GSE1: variants seen among roughly 807,000 people sequenced by gnomAD.
The protein encoded by GSE1 is genetic suppressor element 1.
GSE1 carries 32 observed loss-of-function variants against 112.6 expected under a neutral mutation model. That is an observed-to-expected ratio of 0.28 (90% CI 0.21 to 0.38). The LOEUF (loss-of-function observed/expected upper bound fraction) is 0.38, where lower values mean the gene tolerates loss of function less well. Among genes scored for constraint, GSE1 ranks in the 10% least tolerant of loss-of-function variants. The pLI is 1.00. For missense variants in GSE1, 2,348 were observed against 1,699.2 expected (o/e 1.38, Z -6.71); for synonymous variants, 1,115 against 735.6 (o/e 1.52, Z -8.35).
At chr16:85,326,022 CA>C (rs1004682012) in intron 1 of GSE1, among the ~76,000 whole-genome samples, 1 of 152,148 alleles carries the variant, frequency 6.6e-6, no homozygotes, top group African/African-American at 2.4e-5. Context: ...GCTGGGATTA[CA>C]GGTGTGAGCC....
rs866982847 is a variant in GSE1, at chr16:85,676,106, T to C, written c.*3567T>C. ...AGTGTACTTGTTTGAATTAATTGTA[T>C]TGTAATATTATTTGTTGAATGTAGT... On this transcript the variant is annotated 3_prime_UTR_variant, in exon 16 of 16. Transcript: ENST00000253458. The C allele has an allele frequency of 3.9e-5, 6 of 152,698 alleles. No homozygotes were observed. The South Asian group carries it at 1.2e-3, about 32-fold the overall frequency. 9.5% of individuals were successfully genotyped at this position (152,698 alleles called of 1,614,324 possible). A position where few individuals can be genotyped will look rare whatever the true frequency, so the allele number is the denominator to read the frequency against.
At chr16:85,276,632 C>T (rs1413697950) in intron 1 of GSE1, among the ~76,000 whole-genome samples, 1 of 152,174 alleles carries the variant, frequency 6.6e-6, no homozygotes, top group Admixed American at 6.5e-5. Context: ...CTAGTAGAGG[C>T]AAGTGGCCGG....
chr16:85,192,205 T>C (rs987546804), intron 1 of GSE1, among the ~76,000 whole-genome samples: 3 of 152,222 alleles, frequency 2.0e-5, no homozygotes, highest in East Asian at 1.9e-4. Context: ...ACCCAGGACA[T>C]CATGAATGTC....
At chr16:85,577,346 C>G (rs1454078288) in intron 1 of GSE1, among the ~76,000 whole-genome samples, 1 of 152,148 alleles carries the variant, frequency 6.6e-6, no homozygotes. Context: ...ATTCGGGGCA[C>G]TTGGGTTTTT....
chr16:85,171,122 G>C, exon 1 of GSE1: 1 of 985,680 alleles, frequency 1.0e-6, no homozygotes, highest in Non-Finnish European at 1.2e-6. Flanking sequence ...GAAGTCCGCA[G>C]CTGCCCCAAG....
intron 1 of GSE1, among the ~76,000 whole-genome samples, chr16:85,223,705 A>G (rs1182595451): frequency 1.3e-5 from 2 of 151,580 alleles, no homozygotes; most frequent in East Asian, 3.9e-4. Context: ...CCCGGGTTCA[A>G]GCAATTCTCC....
chr16:85,557,973 TCTC>T (rs1232923419), intron 1 of GSE1, among the ~76,000 whole-genome samples: 2 of 152,116 alleles, frequency 1.3e-5, no homozygotes, highest in Non-Finnish European at 1.5e-5. Context: ...CTTTTTTTTT[TCTC>T]CTCCTCTGCC....
intron 1 of GSE1, among the ~76,000 whole-genome samples, chr16:85,279,603 C>A (rs1321287893): frequency 1.3e-5 from 2 of 152,088 alleles, no homozygotes; most frequent in Admixed American, 1.3e-4. Flanking sequence ...TTCAATCAAT[C>A]AATCAGTCAG....
At chr16:85,358,351 G>C (rs1267167751) in intron 2 of GSE1, among the ~76,000 whole-genome samples, 1 of 152,110 alleles carries the variant, frequency 6.6e-6, no homozygotes, top group African/African-American at 2.4e-5. Context: ...CGTTTTTATG[G>C]CCTCATCCTG....
At chr16:85,508,791 A>T (rs952015321) in intron 2 of GSE1, among the ~76,000 whole-genome samples, 3 of 152,174 alleles carry the variant, frequency 2.0e-5, no homozygotes, top group Admixed American at 1.3e-4. Context: ...TTTTACCTGA[A>T]CTGGGGTCCT....
chr16:85,298,088 G>A (rs1567671639), intron 1 of GSE1, among the ~76,000 whole-genome samples: 1 of 152,194 alleles, frequency 6.6e-6, no homozygotes, highest in African/African-American at 2.4e-5. Context: ...AGGACACCCA[G>A]AGCTTCTCAA....
intron 1 of GSE1, among the ~76,000 whole-genome samples, chr16:85,631,028 G>A (rs529442032): frequency 6.6e-5 from 10 of 152,256 alleles, no homozygotes; most frequent in East Asian, 5.8e-4. Context: ...TGGTCTTTGC[G>A]TTCCCCGGGG....
intron 1 of GSE1, among the ~76,000 whole-genome samples, chr16:85,236,745 T>C (rs1169651988): frequency 6.6e-6 from 1 of 152,166 alleles, no homozygotes; most frequent in Non-Finnish European, 1.5e-5. Context: ...CTCTCCAGCC[T>C]GGGTAGAGTG....
At chr16:85,449,551 A>G (rs993881791) in intron 2 of GSE1, among the ~76,000 whole-genome samples, 4 of 152,248 alleles carry the variant, frequency 2.6e-5, no homozygotes, top group African/African-American at 9.6e-5. Context: ...TTGCCAAGTG[A>G]GATTGATTGG....
chr16:85,579,626 C>T (rs1335769158), intron 1 of GSE1, among the ~76,000 whole-genome samples: 1 of 152,142 alleles, frequency 6.6e-6, no homozygotes, highest in Non-Finnish European at 1.5e-5. Flanking sequence ...CTGGGAGACC[C>T]ATGAAGGGCT....
chr16:85,346,114 G>A (rs1597449800), intron 1 of GSE1, among the ~76,000 whole-genome samples: 6 of 147,888 alleles, frequency 4.1e-5, no homozygotes, highest in Admixed American at 4.0e-4. Flanking sequence ...GTGGATGATG[G>A]ATGGATGGAT....
intron 2 of GSE1, among the ~76,000 whole-genome samples, chr16:85,512,487 CT>C (rs931495565): frequency 1.3e-5 from 2 of 152,236 alleles, no homozygotes; most frequent in Non-Finnish European, 2.9e-5. Flanking sequence ...GAACCCCACG[CT>C]TCAAAGTGCT....
chr16:85,353,216 G>A (rs74755075), intron 1 of GSE1, among the ~76,000 whole-genome samples: 2,633 of 152,262 alleles, frequency 0.017, 81 homozygotes, highest in African/African-American at 0.061. Flanking sequence ...CTCACCTGGG[G>A]ACTCGACCGG....
At chr16:85,587,025 C>G (rs2046731376) in intron 1 of GSE1, among the ~76,000 whole-genome samples, 1 of 152,234 alleles carries the variant, frequency 6.6e-6, no homozygotes, top group South Asian at 2.1e-4. Context: ...CGCATCACCC[C>G]TCTAAGATGC....
Sources: gnomAD v4.1 joint callset for allele counts (sites outside exome capture counted in the v4.1 genomes callset) on GRCh38, gnomAD v4.1.1 for gene constraint, MANE v1.5 for transcripts, NCBI Gene and HGNC (gene_info 2026-07-23, HGNC 2026-07-21) for gene names.